SERPINE2: variants seen among roughly 807,000 people sequenced by gnomAD.
SERPINE2 encodes glia-derived nexin.
Under a neutral mutation model 36.3 loss-of-function variants are expected in SERPINE2, and 14 were observed. That is an observed-to-expected ratio of 0.39 (90% CI 0.25 to 0.60). SERPINE2 has a LOEUF of 0.60. SERPINE2 is among the 20% of genes least tolerant of loss of function. The probability of loss-of-function intolerance (pLI) is 0.57; values close to 1 mark genes in which losing one functional copy is unlikely to be tolerated. For missense variants in SERPINE2, 418 were observed against 499.6 expected (o/e 0.84, Z 1.56); for synonymous variants, 192 against 191.8 (o/e 1.00, Z -0.01).
At chr2:224,002,849 G>A (rs912330504) in intron 1 of SERPINE2, among the ~76,000 whole-genome samples, 6 of 151,884 alleles carry the variant, frequency 4.0e-5, no homozygotes, top group Admixed American at 2.0e-4. Context: ...TATTTACTGA[G>A]GGTTCACTGG....
At chr2:224,018,141 C>A (rs921171006) in intron 1 of SERPINE2, among the ~76,000 whole-genome samples, 2 of 152,126 alleles carry the variant, frequency 1.3e-5, no homozygotes, top group Non-Finnish European at 2.9e-5. Context: ...CATCGACAGC[C>A]CTGATGATGG....
intron 5 of SERPINE2, among the ~76,000 whole-genome samples, chr2:223,984,478 C>A (rs1257361840): frequency 6.6e-6 from 1 of 152,230 alleles, no homozygotes; most frequent in African/African-American, 2.4e-5. Flanking sequence ...AAAGCCCCTG[C>A]AGTACCATGA....
At chr2:224,019,018 T>G (rs1207767141) in intron 1 of SERPINE2, among the ~76,000 whole-genome samples, 1 of 152,108 alleles carries the variant, frequency 6.6e-6, no homozygotes, top group Non-Finnish European at 1.5e-5. Flanking sequence ...GCACCCTCTC[T>G]CCATAGGCTC....
chr2:224,010,077 A>C (rs1691571258), intron 1 of SERPINE2, among the ~76,000 whole-genome samples: 1 of 152,206 alleles, frequency 6.6e-6, no homozygotes, highest in Non-Finnish European at 1.5e-5. Context: ...AGCAAACTAA[A>C]GTACATCTTG....
At chr2:224,009,176 C>T (rs1691535525) in intron 1 of SERPINE2, among the ~76,000 whole-genome samples, 1 of 152,144 alleles carries the variant, frequency 6.6e-6, no homozygotes, top group Admixed American at 6.5e-5. Flanking sequence ...CCGGATTTAT[C>T]TCAGCCTCTC....
chr2:224,022,158 C>CAAAA (rs71058977), intron 1 of SERPINE2, among the ~76,000 whole-genome samples: 31 of 72,516 alleles, frequency 4.3e-4, no homozygotes, highest in South Asian at 7.6e-4. Flanking sequence ...GACTCCTTCT[C>CAAAA]AAAAAAAAAA....
intron 1 of SERPINE2, among the ~76,000 whole-genome samples, chr2:224,023,029 C>A: frequency 6.6e-6 from 1 of 152,190 alleles, no homozygotes; most frequent in East Asian, 1.9e-4. Context: ...GAGGCCTCCC[C>A]AGCCCTGAGG....
At chr2:224,004,664 T>C (rs1691323973) in intron 1 of SERPINE2, among the ~76,000 whole-genome samples, 1 of 151,794 alleles carries the variant, frequency 6.6e-6, no homozygotes, top group Admixed American at 6.6e-5. Context: ...CCCTCTTGCC[T>C]TTTCTTTCTT....
chr2:224,018,888 A>G (rs555177547), intron 1 of SERPINE2, among the ~76,000 whole-genome samples: 1 of 152,282 alleles, frequency 6.6e-6, no homozygotes, highest in African/African-American at 2.4e-5. Flanking sequence ...CAAGCCACCA[A>G]CATCTCCGGA....
At chr2:224,000,921 C>T (rs1274462546) in intron 2 of SERPINE2, among the ~76,000 whole-genome samples, 1 of 152,138 alleles carries the variant, frequency 6.6e-6, no homozygotes, top group African/African-American at 2.4e-5. Flanking sequence ...TTTCTTTATC[C>T]AGTCTATCAT....
rs1042627465 is a variant in SERPINE2 at position 223,975,317 on chromosome 2, T to C, written c.*550A>G. The C allele has an allele frequency of 6.6e-6, 1 of 152,368 alleles. No individual in the cohort carries two copies. The highest frequency in any genetic ancestry group is 1.5e-5 in the Non-Finnish European group (1 of 68,000). The allele number at this position is 152,368 out of a possible 1,614,324, so 9.4% of individuals were successfully genotyped here. A position where few individuals can be genotyped will look rare whatever the true frequency, so the allele number is the denominator to read the frequency against. ...TATTTTAGTGAATACATGCATTATA[T>C]AAAACAACAACAACAACAACAACAA... On this transcript the variant is annotated 3_prime_UTR_variant, in exon 9 of 9. Coordinates refer to ENST00000409304, the MANE Select transcript of SERPINE2 (RefSeq NM_001136528.2).
At chr2:224,007,928 G>A (rs1032572749) in intron 1 of SERPINE2, among the ~76,000 whole-genome samples, 1 of 152,220 alleles carries the variant, frequency 6.6e-6, no homozygotes, top group South Asian at 2.1e-4. Flanking sequence ...TGCAAGCTAC[G>A]GCCCATGGGC....
At chr2:223,998,368 C>T in intron 2 of SERPINE2, 26 bp from the exon 3 acceptor site, 1 of 1,540,996 alleles carries the variant, frequency 6.5e-7, no homozygotes, top group Non-Finnish European at 9.0e-7. Context: ...GAAGATACAG[C>T]AATACTTCCA....
intron 2 of SERPINE2, among the ~76,000 whole-genome samples, chr2:223,998,815 A>G (rs1324298801): frequency 6.6e-6 from 1 of 152,202 alleles, no homozygotes; most frequent in Non-Finnish European, 1.5e-5. Context: ...AAAAGGAGGG[A>G]GTGGGGTTAA....
chr2:224,004,077 G>A (rs1034566752), intron 1 of SERPINE2, among the ~76,000 whole-genome samples: 50 of 152,180 alleles, frequency 3.3e-4, no homozygotes, highest in African/African-American at 9.7e-4. Flanking sequence ...AGATTAATCC[G>A]ATGGCTCATA....
intron 1 of SERPINE2, among the ~76,000 whole-genome samples, chr2:224,019,751 T>TTTTATTA (rs10625362): frequency 3.8e-4 from 2 of 5,282 alleles, no homozygotes; most frequent in African/African-American, 6.6e-4. Flanking sequence ...TGAGGAAGTC[T>TTTTATTA]TTTTTTTTTT....
At position 223,998,686 on chromosome 2, in the gene SERPINE2, G is replaced by A. The variant is rs556614962; in HGVS notation, c.260-344C>T. Among the ~76,000 whole-genome samples the A allele has an allele frequency of 3.3e-5, 5 of 152,274 alleles. No homozygotes were observed. The East Asian group carries it at 7.7e-4, about 24-fold the overall frequency. ...AGCCATGATCGGGCCCCTGCATACA[G>A]CCTGGGTGACTAAGCAAGACCCTGT... On this transcript the variant is annotated intron_variant, in intron 2 of 8. Coordinates refer to ENST00000409304, the MANE Select transcript of SERPINE2 (RefSeq NM_001136528.2).
At chr2:224,025,753 C>T (rs539935204) in intron 1 of SERPINE2, among the ~76,000 whole-genome samples, 9 of 152,306 alleles carry the variant, frequency 5.9e-5, no homozygotes, top group African/African-American at 2.2e-4. Flanking sequence ...GCAACACTGC[C>T]ACTGAAACAC....
At chr2:223,997,660 A>G (rs370121407) in intron 3 of SERPINE2, among the ~76,000 whole-genome samples, 18 of 152,358 alleles carry the variant, frequency 1.2e-4, no homozygotes, top group African/African-American at 4.3e-4. Flanking sequence ...TGTGCCAATC[A>G]TAACGGACAA....
Sources: gnomAD v4.1 joint callset for allele counts (sites outside exome capture counted in the v4.1 genomes callset) on GRCh38, gnomAD v4.1.1 for gene constraint, MANE v1.5 for transcripts, NCBI Gene and HGNC (gene_info 2026-07-23, HGNC 2026-07-21) for gene names.